Variants in MICU1 observed in about 807,000 individuals in gnomAD.
MICU1 encodes the protein mitochondrial calcium uptake 1.
A neutral mutation model predicts 56.8 loss-of-function variants in MICU1; 45 were observed. The ratio of observed to expected loss-of-function variants is 0.79; its 90% CI spans 0.62 to 1.02. The LOEUF is 1.02. Ranked by LOEUF, MICU1 falls within the 50% of genes least tolerant of loss-of-function variation. The probability of loss-of-function intolerance (pLI) is 0.00; values close to 1 mark genes in which losing one functional copy is unlikely to be tolerated. For synonymous variants in MICU1, 186 were observed against 195.1 expected (o/e 0.95, Z 0.39); for missense variants, 504 against 587.1 (o/e 0.86, Z 1.46).
chr10:72,512,722 CAG>C (rs1564911896), intron 5 of MICU1, among the ~76,000 whole-genome samples: 2 of 150,938 alleles, frequency 1.3e-5, no homozygotes, highest in Non-Finnish European at 2.9e-5. Context: ...TGTTTTGAGA[CAG>C]TGTCTCACTC....
intron 6 of MICU1, among the ~76,000 whole-genome samples, chr10:72,488,059 G>T (rs1866530871): frequency 6.6e-6 from 1 of 151,908 alleles, no homozygotes; most frequent in Non-Finnish European, 1.5e-5. Context: ...AGCCAGGCGT[G>T]GTGGCACATG....
chr10:72,382,899 C>T (rs1405407120), intron 10 of MICU1, among the ~76,000 whole-genome samples: 1 of 151,962 alleles, frequency 6.6e-6, no homozygotes, highest in Non-Finnish European at 1.5e-5. Context: ...ACAGAGCAAG[C>T]CTCCGTCCAA....
intron 1 of MICU1, among the ~76,000 whole-genome samples, chr10:72,600,766 A>C (rs1841509740): frequency 6.6e-6 from 1 of 152,206 alleles, no homozygotes; most frequent in South Asian, 2.1e-4. Flanking sequence ...AAAAGCATTA[A>C]ATTTGTGAGT....
intron 1 of MICU1, among the ~76,000 whole-genome samples, chr10:72,618,039 G>A (rs1332307367): frequency 6.6e-6 from 1 of 151,892 alleles, no homozygotes; most frequent in Non-Finnish European, 1.5e-5. Context: ...GGTGGCGCAT[G>A]CCTGTAAATC....
At chr10:72,545,397 T>C (rs1839871294) in intron 4 of MICU1, among the ~76,000 whole-genome samples, 1 of 152,228 alleles carries the variant, frequency 6.6e-6, no homozygotes, top group African/African-American at 2.4e-5. Flanking sequence ...AACTTGGTTT[T>C]ACGTATTTTA....
At chr10:72,577,561 T>G (rs1840781756) in intron 1 of MICU1, among the ~76,000 whole-genome samples, 2 of 149,868 alleles carry the variant, frequency 1.3e-5, no homozygotes, top group African/African-American at 4.9e-5. Context: ...GCACCCAATC[T>G]CATCTGATCA....
intron 3 of MICU1, among the ~76,000 whole-genome samples, chr10:72,551,573 C>A (rs1372962891): frequency 6.6e-6 from 1 of 152,020 alleles, no homozygotes; most frequent in African/African-American, 2.4e-5. Flanking sequence ...CCAGTTGAGG[C>A]AATGCTCATG....
At chr10:72,573,214 A>C (rs1408341200) in intron 1 of MICU1, among the ~76,000 whole-genome samples, 8 of 151,034 alleles carry the variant, frequency 5.3e-5, no homozygotes, top group African/African-American at 7.3e-5. Flanking sequence ...TCATGCCTGT[A>C]ATCCCAGCAG....
intron 1 of MICU1, among the ~76,000 whole-genome samples, chr10:72,588,395 G>GA (rs931860143): frequency 3.3e-5 from 5 of 150,586 alleles, no homozygotes; most frequent in African/African-American, 9.8e-5. Context: ...TGAGGGAAAG[G>GA]AAAAAAAACA....
In MICU1 at chr10:72,605,731, C is replaced by A. The variant is rs571592104; in HGVS notation, c.-2+20279G>T. ...GTGCATAGGTTATACGCAAATAGTA[C>A]ACAATTTTATCTAAATGACTTGAGC... On this transcript the variant is annotated intron_variant, in intron 1 of 11. Transcript: ENST00000361114. 2.0e-5 allele frequency among the ~76,000 whole-genome samples: 3 copies of A among 152,304 alleles called. No homozygotes were observed. In the South Asian group the frequency reaches 6.2e-4, roughly 32 times the overall value.
At chr10:72,409,608 T>G (rs529435321) in intron 9 of MICU1, among the ~76,000 whole-genome samples, 1 of 152,292 alleles carries the variant, frequency 6.6e-6, no homozygotes, top group East Asian at 1.9e-4. Flanking sequence ...GGAGGATCGC[T>G]TGAGCCTGGG....
intron 5 of MICU1, among the ~76,000 whole-genome samples, chr10:72,515,932 G>A (rs1031929508): frequency 2.0e-5 from 3 of 152,086 alleles, no homozygotes; most frequent in African/African-American, 4.8e-5. Flanking sequence ...TATATACTTT[G>A]GTGTCCTGCT....
At chr10:72,371,872 A>G (rs1564832378) in intron 11 of MICU1, among the ~76,000 whole-genome samples, 1 of 152,054 alleles carries the variant, frequency 6.6e-6, no homozygotes, top group Non-Finnish European at 1.5e-5. Context: ...CATGAGCAAT[A>G]TAGTGAGACC....
chr10:72,482,000 T>A (rs1019585331), intron 6 of MICU1, among the ~76,000 whole-genome samples: 4 of 152,228 alleles, frequency 2.6e-5, no homozygotes, highest in Admixed American at 6.5e-5. Flanking sequence ...ATAATAATAA[T>A]GACAACTCTA....
chr10:72,456,725 G>T (rs1481616848), intron 8 of MICU1, among the ~76,000 whole-genome samples: 4 of 151,940 alleles, frequency 2.6e-5, no homozygotes, highest in Non-Finnish European at 5.9e-5. Flanking sequence ...GTCTTGCTCT[G>T]TCACTCAGGC....
chr10:72,507,629 T>C (rs976808240), intron 6 of MICU1, among the ~76,000 whole-genome samples: 1 of 152,128 alleles, frequency 6.6e-6, no homozygotes, highest in Admixed American at 6.6e-5. Context: ...TAAAGGTAGA[T>C]GTCACTTCTT....
At chr10:72,372,835 C>T (rs1862391161) in intron 11 of MICU1, among the ~76,000 whole-genome samples, 1 of 151,264 alleles carries the variant, frequency 6.6e-6, no homozygotes, top group Non-Finnish European at 1.5e-5. Context: ...AGAGCTTGAC[C>T]CCAGGAGGCA....
At chr10:72,471,327 G>A (rs752703067) in intron 8 of MICU1, among the ~76,000 whole-genome samples, 1 of 152,124 alleles carries the variant, frequency 6.6e-6, no homozygotes, top group Non-Finnish European at 1.5e-5. Context: ...TTCGTGATCT[G>A]CCCGCCTTGG....
chr10:72,524,775 C>T, intron 5 of MICU1: 1 of 1,226,834 alleles, frequency 8.2e-7, no homozygotes, highest in Non-Finnish European at 1.0e-6. Context: ...AAAGAAAAAA[C>T]ATTGACATTG....
Sources: gnomAD v4.1 joint callset for allele counts (sites outside exome capture counted in the v4.1 genomes callset) on GRCh38, gnomAD v4.1.1 for gene constraint, MANE v1.5 for transcripts, NCBI Gene and HGNC (gene_info 2026-07-23, HGNC 2026-07-21) for gene names.